SYNRG: variants seen among roughly 807,000 people sequenced by gnomAD.
The protein encoded by SYNRG is synergin gamma.
Under a neutral mutation model 130.9 loss-of-function variants are expected in SYNRG, and 37 were observed. That is an observed-to-expected ratio of 0.28 (90% CI 0.22 to 0.37). The LOEUF (loss-of-function observed/expected upper bound fraction) is 0.37. Among genes scored for constraint, SYNRG ranks in the 10% least tolerant of loss-of-function variants. SYNRG has a pLI of 1.00. For synonymous variants in SYNRG, 539 were observed against 568.1 expected, an observed-to-expected ratio of 0.95 and a Z score of 0.73; for missense variants, 1,338 against 1,588.9, an observed-to-expected ratio of 0.84 and a Z score of 2.68.
intron 19 of SYNRG, among the ~76,000 whole-genome samples, chr17:37,522,989 T>C (rs79830368): frequency 0.029 from 4,432 of 152,254 alleles, 93 homozygotes; most frequent in Non-Finnish European, 0.042. Context: ...CATCACTTTT[T>C]AGCACTGAGG....
In SYNRG at chr17:37,570,714, T is replaced by C. The variant is rs956223607; in HGVS notation, c.1270A>G (p.Ile424Val). The change falls in exon 10 of 22, where the codon ATT (isoleucine) becomes GTT (valine). Residue 424 changes from isoleucine (I) to valine (V), a missense_variant. This residue lies in a region of SYNRG where 1,146 missense variants were observed against 1,342.3 expected (regional missense o/e 0.85). Coordinates refer to ENST00000612223, the MANE Select transcript of SYNRG (RefSeq NM_007247.6). ...PLSLGQPVMG[I>V]NLVGPVGGAA... is the part of the protein sequence containing the mutation. The stretch of plus-strand genomic sequence containing the variant: ...CCACCCACTGGTCCAACAAGGTTAA[T>C]GCCCATGACTGGCTGTCCAAGGCTG... 2 of 1,614,086 alleles carry C rather than the reference T, an allele frequency of 1.2e-6. No homozygotes were observed. Among genetic ancestry groups the C allele is most frequent in the Non-Finnish European group, 1.7e-6 (2 of 1,180,042 alleles).
In SYNRG at chr17:37,539,244, T is replaced by C; in HGVS notation, c.3368A>G (p.Glu1123Gly). 6.2e-7 allele frequency: 1 copy of C among 1,614,114 alleles called. No homozygotes were observed. The highest frequency in any genetic ancestry group is 2.2e-5 in the East Asian group (1 of 44,890). The part of the protein sequence containing the change: ...KYKDLTGEVE[E>G]NERYAYEWQR... ...CCATTCATATGCATATCTCTCATTT[T>C]CCTGTGAATTTGTTAAAAAGAACTG... Residue 1123 changes from glutamate to glycine, a missense_variant and splice_region_variant, in exon 17 of 22, where the codon GAA (glutamate) becomes GGA (glycine). By Grantham distance (98) the Glu-to-Gly change is moderately conservative. Around this residue, in one of 3 missense-constraint regions of SYNRG, gnomAD observed 1,146 missense variants for 1,342.3 expected, o/e 0.85. Coordinates refer to ENST00000612223, the MANE Select transcript of SYNRG (RefSeq NM_007247.6).
rs1164533083 is a variant in SYNRG, at chr17:37,600,542, A to G, written c.78-139T>C. On this transcript the variant is annotated intron_variant, in intron 1 of 21. Coordinates refer to ENST00000612223, the MANE Select transcript of SYNRG (RefSeq NM_007247.6). ...GCACCACAATACTGAATTGCCCAAC[A>G]TCAGTACACTGAGCATCCATAGGAT... 6.1e-6 allele frequency: 5 copies of G among 820,738 alleles called. No individual in the cohort carries two copies. In the East Asian group the frequency reaches 1.3e-4, roughly 22 times the overall value. The allele number at this position is 820,738 out of a possible 1,614,324, so 50.8% of individuals were successfully genotyped here.
chr17:37,566,127 G>C (rs1479014347), intron 11 of SYNRG, among the ~76,000 whole-genome samples: 1 of 152,276 alleles, frequency 6.6e-6, no homozygotes. Context: ...ACCCTGTCTG[G>C]GAAGTGTGCC....
At position 37,577,381 on chromosome 17, in the gene SYNRG, A is replaced by G; in HGVS notation, c.822T>C (p.Ser274=). 1 of 1,613,744 alleles carries G rather than the reference A, an allele frequency of 6.2e-7. No homozygotes were observed. The highest frequency in any genetic ancestry group is 8.5e-7 in the Non-Finnish European group (1 of 1,179,798). Residue 274 remains serine (S), a splice_region_variant and synonymous_variant, in exon 7 of 22, where the codon AGT becomes AGC. Coordinates refer to ENST00000612223, the MANE Select transcript of SYNRG (RefSeq NM_007247.6). ...TTGCTGAATGCTTCACGAGCTCACC[A>G]CTCTCTTCAATTGACAGGTTTTGAT... ...TSDQNLSIEE[S]GVGVFPSQDP... is the part of the protein sequence containing the mutation.
intron 14 of SYNRG, among the ~76,000 whole-genome samples, chr17:37,548,922 G>A (rs2058501340): frequency 6.6e-6 from 1 of 151,292 alleles, no homozygotes; most frequent in South Asian, 2.1e-4. Context: ...ATTACCTGAG[G>A]TCAGGAGTTC....
chr17:37,561,357 TG>T, intron 12 of SYNRG, 100 bp from the exon 13 acceptor site: 1 of 1,427,984 alleles, frequency 7.0e-7, no homozygotes, highest in Non-Finnish European at 9.9e-7. Flanking sequence ...TATTAACATG[TG>T]GTATACAGGC....
intron 11 of SYNRG, chr17:37,567,873 T>C (rs1456512166): frequency 6.6e-6 from 1 of 152,264 alleles, no homozygotes. Flanking sequence ...CTCTGGTGTC[T>C]GATGTGTTCC....
At chr17:37,542,930 C>T (rs922021367) in intron 14 of SYNRG, among the ~76,000 whole-genome samples, 2 of 152,190 alleles carry the variant, frequency 1.3e-5, no homozygotes. Flanking sequence ...TTGCCTAAAA[C>T]ATGTCTCCCT....
chr17:37,568,652 T>G, intron 11 of SYNRG, 139 bp downstream of exon 11: 1 of 911,652 alleles, frequency 1.1e-6, no homozygotes, highest in South Asian at 2.0e-5. Flanking sequence ...GTAAAAGTAT[T>G]AATACAGAGG....
intron 7 of SYNRG, among the ~76,000 whole-genome samples, chr17:37,576,842 G>A (rs912522092): frequency 6.6e-6 from 1 of 152,090 alleles, no homozygotes; most frequent in African/African-American, 2.4e-5. Flanking sequence ...ATATGATACT[G>A]CTGTCTTAAA....
chr17:37,586,628 TTCTA>T, intron 3 of SYNRG, 79 bp from the exon 4 acceptor site: 1 of 1,530,886 alleles, frequency 6.5e-7, no homozygotes, highest in Non-Finnish European at 8.9e-7. Flanking sequence ...CTTCCATAAA[TTCTA>T]TCTTAATACT....
At chr17:37,565,462 C>T (rs1221494244) in intron 11 of SYNRG, among the ~76,000 whole-genome samples, 1 of 151,936 alleles carries the variant, frequency 6.6e-6, no homozygotes, top group Non-Finnish European at 1.5e-5. Context: ...TGCCCGGCCG[C>T]CACCCCGTCT....
chr17:37,540,627 CTTCTT>C (rs1185059692), intron 15 of SYNRG, 84 bp from the exon 16 acceptor site: 3 of 864,476 alleles, frequency 3.5e-6, no homozygotes, highest in African/African-American at 1.9e-5. Flanking sequence ...CCACAACCCT[CTTCTT>C]TTTTTTTTTT....
chr17:37,527,457 C>A (rs1022575867), intron 19 of SYNRG, among the ~76,000 whole-genome samples: 1 of 152,106 alleles, frequency 6.6e-6, no homozygotes, highest in Admixed American at 6.6e-5. Context: ...AAGAGGGAGT[C>A]TTAGTCCATG....
chr17:37,538,188 G>T, intron 18 of SYNRG, 136 bp downstream of exon 18: 1 of 628,772 alleles, frequency 1.6e-6, no homozygotes, highest in Non-Finnish European at 2.7e-6. Context: ...TAGCTTGAGT[G>T]TCTTACCCAC....
chr17:37,552,461 CA>C (rs1396383874), intron 14 of SYNRG, among the ~76,000 whole-genome samples: 1 of 152,190 alleles, frequency 6.6e-6, no homozygotes, highest in African/African-American at 2.4e-5. Flanking sequence ...CTAGCATCTA[CA>C]GATTTGTTAC....
chr17:37,543,186 G>A (rs766222887), intron 14 of SYNRG, among the ~76,000 whole-genome samples: 2 of 152,064 alleles, frequency 1.3e-5, no homozygotes, highest in African/African-American at 2.4e-5. Flanking sequence ...CAAATTGGAC[G>A]TCATATTGCT....
chr17:37,560,725 T>A (rs1218425755), intron 13 of SYNRG, among the ~76,000 whole-genome samples: 1 of 151,202 alleles, frequency 6.6e-6, no homozygotes, highest in Non-Finnish European at 1.5e-5. Flanking sequence ...TGGAGTGCAG[T>A]GGCACAATCT....
Sources: allele counts gnomAD v4.1 joint callset (sites outside exome capture counted in the v4.1 genomes callset), GRCh38; gene constraint gnomAD v4.1.1; regional missense constraint gnomAD v4.1.1; transcripts MANE v1.5; gene names NCBI Gene and HGNC (gene_info 2026-07-23, HGNC 2026-07-21).